SEMA6B: variants seen among roughly 807,000 people sequenced by gnomAD.
SEMA6B encodes the protein semaphorin-6B.
A neutral mutation model predicts 78.6 loss-of-function variants in SEMA6B; 47 were observed. That is an observed-to-expected ratio of 0.60 (90% CI 0.47 to 0.76). The LOEUF (loss-of-function observed/expected upper bound fraction) is 0.76. SEMA6B is among the 30% of genes least tolerant of loss of function. The pLI is 0.00. For missense variants in SEMA6B, 1,213 were observed against 1,269.9 expected (o/e 0.96, Z 0.68); for synonymous variants, 632 against 592.2 (o/e 1.07, Z -0.98).
chr19:4,554,091 G>C (rs1406691861), intron 9 of SEMA6B, among the ~76,000 whole-genome samples: 1 of 151,508 alleles, frequency 6.6e-6, no homozygotes, highest in African/African-American at 2.4e-5. Flanking sequence ...GGATGGACAG[G>C]GGATGAAGGA....
chr19:4,555,892 A>T lies in SEMA6B; in HGVS notation c.471+96T>A. On this transcript the variant is annotated intron_variant, in intron 6 of 16. Transcript: ENST00000586582. This position sits in a 1 kb window ranked among gnomAD's most constrained non-coding sequence, Gnocchi z 6.1. ...TATATCCAGGAAGGCTTCCTGGAGG[A>T]GGTGACACGGCCTGGGGAAAAGCCA... 1 of 957,320 alleles carries T rather than the reference A, an allele frequency of 1.0e-6. No homozygotes were observed. The highest frequency in any genetic ancestry group is 1.7e-6 in the Non-Finnish European group (1 of 587,874). The allele number at this position is 957,320 out of a possible 1,614,324, so 59.3% of individuals were successfully genotyped here.
Position 4,543,780 on chromosome 19 carries a change from T to A in SEMA6B, c.2488A>T (p.Arg830Trp). 8.2e-7 allele frequency: 1 copy of A among 1,222,508 alleles called. No individual in the cohort carries two copies. The highest frequency in any genetic ancestry group is 1.0e-6 in the Non-Finnish European group (1 of 982,292). The allele number at this position is 1,222,508 out of a possible 1,614,324, so 75.7% of individuals were successfully genotyped here. The change falls in exon 17 of 17, where the codon AGG becomes TGG. Residue 830 changes from arginine (R) to tryptophan (W), a missense_variant. Transcript: ENST00000586582. ...PWSPPPTGSL[R>W]RPLGPHAPPA... ...GGGGCGTGGGGGCCCAGTGGCCTCC[T>A]CAGGCTGCCCGTCGGGGGCGGGCTC... is the stretch of plus-strand genomic sequence containing the variant.
In SEMA6B at chr19:4,544,558, G is replaced by A; in HGVS notation, c.1739-29C>T. 1 of 1,405,260 alleles carries A rather than the reference G, an allele frequency of 7.1e-7. No homozygotes were observed. The highest frequency in any genetic ancestry group is 9.4e-7 in the Non-Finnish European group (1 of 1,068,318). 87.0% of individuals were successfully genotyped at this position (1,405,260 alleles called of 1,614,324 possible). A position where few individuals can be genotyped will look rare whatever the true frequency, so the allele number is the denominator to read the frequency against. ...GCCGGGGAGCACAGGGGGGTTAGTG[G>A]GGCCGGCGGGGTGGCCCTGGGCATC... On this transcript the variant is annotated intron_variant, in intron 16 of 16. Transcript: ENST00000586582. The surrounding 1 kb of genome is among the most constrained non-coding windows in gnomAD (Gnocchi z 5.1).
At chr19:4,557,854 C>T (rs1977514101) in intron 3 of SEMA6B, among the ~76,000 whole-genome samples, 172 bp downstream of exon 3, 2 of 152,130 alleles carry the variant, frequency 1.3e-5, no homozygotes, top group Non-Finnish European at 1.5e-5. Context: ...CCTTCCCCTA[C>T]CTAAAACCCT....
intron 9 of SEMA6B, among the ~76,000 whole-genome samples, chr19:4,553,875 G>T (rs1333548353): frequency 6.6e-6 from 1 of 152,020 alleles, no homozygotes; most frequent in African/African-American, 2.4e-5. Flanking sequence ...TAGGTGGATG[G>T]ACTGATAGAT....
In SEMA6B at chr19:4,554,473, G is replaced by C; in HGVS notation, c.686C>G (p.Pro229Arg). 4 of 1,613,608 alleles carry C rather than the reference G, an allele frequency of 2.5e-6. No homozygotes were observed. The highest frequency in any genetic ancestry group is 8.5e-7 in the Non-Finnish European group (1 of 1,179,734). Residue 229 changes from proline (P) to arginine (R), a missense_variant, in exon 9 of 17, where the codon CCT (proline) becomes CGT (arginine). Pro to Arg is a moderately radical substitution (Grantham distance 103). Coordinates refer to ENST00000586582, the MANE Select transcript of SEMA6B (RefSeq NM_032108.4). ...CCACTCCACCGCATGGACAAAGTAAGGCTCTGCAGGACAGGAGGGGTCAGA... is the reference window on the plus strand; with the variant it reads ...CCACTCCACCGCATGGACAAAGTAACGCTCTGCAGGACAGGAGGGGTCAGA... The part of the protein sequence containing the change: ...VKHDSKWFKE[P>R]YFVHAVEWGS...
chr19:4,550,595 C>A lies in SEMA6B; in HGVS notation c.1121+204G>T, dbSNP rs143548954. 3.3e-5 allele frequency among the ~76,000 whole-genome samples: 5 copies of A among 152,242 alleles called. No homozygotes were observed. The highest frequency in any genetic ancestry group is 1.2e-4 in the African/African-American group (5 of 41,550). The stretch of plus-strand genomic sequence containing the variant: ...GTCGGGCTGGTCTCAAACCCTCGAC[C>A]TCAGGTGATCTGCCCACCTCCGCCT... On this transcript the variant is annotated intron_variant, in intron 11 of 16. Transcript: ENST00000586582. This position sits in a 1 kb window ranked among gnomAD's most constrained non-coding sequence, Gnocchi z 6.6.
At chr19:4,546,166 C>A in intron 16 of SEMA6B, 50 bp downstream of exon 16, 1 of 1,537,746 alleles carries the variant, frequency 6.5e-7, no homozygotes, top group Non-Finnish European at 8.8e-7. Context: ...CCTCCCCTCC[C>A]CCATGGTAGT....
Position 4,544,374 on chromosome 19 carries a change from G to C in SEMA6B, c.1894C>G (p.Arg632Gly), listed in dbSNP as rs991503722. Reference protein sequence around the residue: ...VGLRERRELARRKDKEAILAH... With the variant: ...VGLRERRELAGRKDKEAILAH... ...AGGATGGCCTCCTTGTCCTTGCGCC[G>C]GGCCAGCTCCCGCCGCTCACGGAGG... is the stretch of plus-strand genomic sequence containing the variant. Residue 632 changes from arginine to glycine, a missense_variant, in exon 17 of 17, where the codon CGG becomes GGG. Arg to Gly is a moderately radical substitution (Grantham distance 125, BLOSUM62 -2). Coordinates refer to ENST00000586582, the MANE Select transcript of SEMA6B (RefSeq NM_032108.4). The surrounding 1 kb of genome is among the most constrained non-coding windows in gnomAD (Gnocchi z 5.1). 3.8e-6 allele frequency: 6 copies of C among 1,585,912 alleles called. No individual in the cohort carries two copies. The highest frequency in any genetic ancestry group is 1.4e-5 in the African/African-American group (1 of 72,184).
In SEMA6B at chr19:4,544,048, G is replaced by T. The variant is rs779479366; in HGVS notation, c.2220C>A (p.Pro740=). 5.2e-5 allele frequency: 64 copies of T among 1,223,640 alleles called. No individual in the cohort carries two copies. Among genetic ancestry groups the T allele is most frequent in the East Asian group, 4.4e-4 (13 of 29,672 alleles). The allele number at this position is 1,223,640 out of a possible 1,614,324, so 75.8% of individuals were successfully genotyped here. ...AGGATGAAGCGGAGGCCGGGAGCAG[G>T]GGGTGGCCGTGGTCCCAGGCGCGGG... ...LGPRAWDHGH[P]LLPASASSSL... The change falls in exon 17 of 17, where the codon CCC becomes CCA. Residue 740 remains proline (P), a synonymous_variant. Coordinates refer to ENST00000586582, the MANE Select transcript of SEMA6B (RefSeq NM_032108.4). The surrounding 1 kb of genome is among the most constrained non-coding windows in gnomAD (Gnocchi z 5.1).
At chr19:4,556,194 G>A (rs1314793625) in intron 5 of SEMA6B, 105 bp from the exon 6 acceptor site, 3 of 782,164 alleles carry the variant, frequency 3.8e-6, no homozygotes, top group African/African-American at 1.7e-5. Context: ...GTCTGTTGTG[G>A]GCATGGCCAA....
chr19:4,557,212 T>C lies in SEMA6B; in HGVS notation c.257A>G (p.Tyr86Cys). 6.3e-7 allele frequency: 1 copy of C among 1,588,784 alleles called. No individual in the cohort carries two copies. Among genetic ancestry groups the C allele is most frequent in the Non-Finnish European group, 8.6e-7 (1 of 1,167,680 alleles). The change falls in exon 4 of 17, where the codon TAC (tyrosine) becomes TGC (cysteine). Residue 86 changes from tyrosine to cysteine, a missense_variant. Tyr to Cys is a radical substitution (Grantham distance 194). Transcript: ENST00000586582. ...TLFIGDRDNL[Y>C]RVELEPPTST... ...CGTGGGGGGCTCCAGCTCTACGCGG[T>C]AGAGGTTGTCCCTGGGGGAGGGGCA...
intron 8 of SEMA6B, among the ~76,000 whole-genome samples, 165 bp from the exon 9 acceptor site, chr19:4,554,641 A>C (rs546698906): frequency 1.3e-5 from 2 of 152,326 alleles, no homozygotes; most frequent in South Asian, 4.1e-4. Context: ...GGAGGTCAGA[A>C]GCCTAAAATC....
rs368632736 is a variant in SEMA6B at position 4,548,432 on chromosome 19, G to T, written c.1285C>A (p.Arg429=). The T allele has an allele frequency of 2.4e-4, 387 of 1,611,944 alleles. No individual in the cohort carries two copies. The highest frequency in any genetic ancestry group is 3.0e-4 in the Non-Finnish European group (350 of 1,179,276). Residue 429 remains arginine (R), a synonymous_variant, in exon 13 of 17, where the codon CGA becomes AGA. Transcript: ENST00000586582. Reference sequence around the variant, plus strand: ...CCGGCTCCCACGTCCACAGCCACTCGAGTCAGCTGGTGCCTGGGGGACAGG... The same window carrying T: ...CCGGCTCCCACGTCCACAGCCACTCTAGTCAGCTGGTGCCTGGGGGACAGG... ...LRTLMRHQLT[R]VAVDVGAGPW...
In SEMA6B at chr19:4,550,064, C is replaced by T. The variant is rs1184631958; in HGVS notation, c.1271+59G>A. 40 of 1,567,038 alleles carry T rather than the reference C, an allele frequency of 2.6e-5. No homozygotes were observed. The highest frequency in any genetic ancestry group is 3.3e-5 in the Non-Finnish European group (38 of 1,144,634). ...TCTGTGTTGAGCATCTGGATCCTCTCACCCTCCATCTACCCCATCCTGTCT... is the reference window on the plus strand; with the variant it reads ...TCTGTGTTGAGCATCTGGATCCTCTTACCCTCCATCTACCCCATCCTGTCT... On this transcript the variant is annotated intron_variant, in intron 12 of 16. Transcript: ENST00000586582. This position sits in a 1 kb window ranked among gnomAD's most constrained non-coding sequence, Gnocchi z 6.6.
Position 4,555,434 on chromosome 19 carries a change from T to G in SEMA6B, c.562+40A>C. On this transcript the variant is annotated intron_variant, in intron 7 of 16. Transcript: ENST00000586582. The surrounding 1 kb of genome is among the most constrained non-coding windows in gnomAD (Gnocchi z 6.1). The stretch of plus-strand genomic sequence containing the variant: ...AGTAGAAAATGCCAGGTCTTGCCTG[T>G]GGCTGGGGCTGATCAGATGGAGGTT... 6.5e-7 allele frequency: 1 copy of G among 1,544,558 alleles called. No homozygotes were observed. The highest frequency in any genetic ancestry group is 1.2e-5 in the South Asian group (1 of 85,962).
chr19:4,555,522 C>T lies in SEMA6B; in HGVS notation c.514G>A (p.Ala172Thr). Residue 172 changes from alanine to threonine, a missense_variant, in exon 7 of 17, where the codon GCC becomes ACC. Ala to Thr is a moderately conservative substitution (Grantham distance 58). Transcript: ENST00000586582. The surrounding 1 kb of genome is among the most constrained non-coding windows in gnomAD (Gnocchi z 6.1). ...TGCTTGGGGTCGTACGGGCAGCGGG[C>T]CATACCGCTGATGTTGTCTCCGACG... ...QPVGDNISGM[A>T]RCPYDPKHAN... The T allele has an allele frequency of 1.2e-6, 2 of 1,613,496 alleles. No homozygotes were observed. The highest frequency in any genetic ancestry group is 1.7e-6 in the Non-Finnish European group (2 of 1,179,806).
chr19:4,553,471 G>T (rs1325596864), intron 9 of SEMA6B, among the ~76,000 whole-genome samples: 1 of 150,034 alleles, frequency 6.7e-6, no homozygotes, highest in Non-Finnish European at 1.5e-5. Flanking sequence ...TGGATGGATG[G>T]ATGGATGGAT....
chr19:4,556,457 G>A (rs1048384108), intron 5 of SEMA6B, among the ~76,000 whole-genome samples: 1 of 151,284 alleles, frequency 6.6e-6, no homozygotes. Context: ...AGCTGATTGG[G>A]GCCAAGTTGG....
Sources: gnomAD v4.1 joint callset for allele counts (sites outside exome capture counted in the v4.1 genomes callset) on GRCh38, gnomAD v4.1.1 for gene constraint, Gnocchi (gnomAD v3.1) non-coding constraint, MANE v1.5 for transcripts, NCBI Gene and HGNC (gene_info 2026-07-23, HGNC 2026-07-21) for gene names.